Variants in SYNPR observed in about 807,000 individuals in gnomAD.
SYNPR encodes the protein synaptoporin.
A neutral mutation model predicts 32.9 loss-of-function variants in SYNPR; 23 were observed. That is an observed-to-expected ratio of 0.70 (90% CI 0.50 to 0.99). The LOEUF is 0.99. Ranked by LOEUF, SYNPR falls within the 50% of genes least tolerant of loss-of-function variation. The probability of loss-of-function intolerance (pLI) is 0.00; values close to 1 mark genes in which losing one functional copy is unlikely to be tolerated. For missense variants in SYNPR, 318 were observed against 349.3 expected (o/e 0.91, Z 0.71); for synonymous variants, 146 against 135.9 (o/e 1.07, Z -0.52).
At chr3:63,543,861 C>A (rs1342322157) in intron 3 of SYNPR, among the ~76,000 whole-genome samples, 4 of 152,070 alleles carry the variant, frequency 2.6e-5, no homozygotes, top group African/African-American at 7.2e-5. Context: ...CTAAACATCA[C>A]CTTCCCTTAT....
intron 2 of SYNPR, among the ~76,000 whole-genome samples, chr3:63,253,652 A>C (rs1350487398): frequency 1.3e-5 from 2 of 152,194 alleles, no homozygotes; most frequent in African/African-American, 2.4e-5. Flanking sequence ...GCGATCATTA[A>C]AAAGTCAGGA....
chr3:63,540,574 G>A (rs1193402545), intron 3 of SYNPR, among the ~76,000 whole-genome samples: 1 of 151,984 alleles, frequency 6.6e-6, no homozygotes, highest in Non-Finnish European at 1.5e-5. Context: ...AGGAAAAAGA[G>A]GGAAGGGGAA....
chr3:63,396,736 A>G (rs1216439063), intron 2 of SYNPR, among the ~76,000 whole-genome samples: 9 of 152,154 alleles, frequency 5.9e-5, no homozygotes, highest in South Asian at 2.1e-4. Context: ...TTATTTCCTG[A>G]GAGAACTCTC....
chr3:63,280,966 G>T (rs574822800), intron 2 of SYNPR, among the ~76,000 whole-genome samples: 1 of 152,132 alleles, frequency 6.6e-6, no homozygotes, highest in Admixed American at 6.5e-5. Context: ...TAAGTTAGTT[G>T]GTTGACCTAC....
Sources: allele counts gnomAD v4.1 joint callset (sites outside exome capture counted in the v4.1 genomes callset), GRCh38; gene constraint gnomAD v4.1.1; transcripts MANE v1.5; gene names NCBI Gene and HGNC (gene_info 2026-07-23, HGNC 2026-07-21).